CNTNAP4: variants seen among roughly 807,000 people sequenced by gnomAD.
CNTNAP4 encodes the protein contactin associated protein family member 4.
Under a neutral mutation model 148.4 loss-of-function variants are expected in CNTNAP4, and 98 were observed. The observed-to-expected ratio is 0.66, with a 90% CI of 0.56 to 0.78. The LOEUF (loss-of-function observed/expected upper bound fraction) is 0.78. Ranked by LOEUF, CNTNAP4 falls within the 30% of genes least tolerant of loss-of-function variation. The pLI is 0.00. For missense variants in CNTNAP4, 1,935 were observed against 1,565.6 expected, an observed-to-expected ratio of 1.24 and a Z score of -3.98; for synonymous variants, 730 against 565.1, an observed-to-expected ratio of 1.29 and a Z score of -4.14.
intron 1 of CNTNAP4, among the ~76,000 whole-genome samples, chr16:76,302,260 CCTTCA>C (rs373162418): frequency 1.2e-3 from 178 of 152,138 alleles, no homozygotes; most frequent in African/African-American, 4.0e-3. Context: ...CAAAATTAAC[CCTTCA>C]CTTCACAATA....
chr16:76,312,161 C>A (rs949328317), intron 1 of CNTNAP4, among the ~76,000 whole-genome samples: 5 of 152,130 alleles, frequency 3.3e-5, no homozygotes, highest in Non-Finnish European at 7.4e-5. Flanking sequence ...CATTTGAGAC[C>A]AGACCATTCT....
chr16:76,505,558 T>C lies in CNTNAP4; in HGVS notation c.2365+6864T>C, dbSNP rs2082811822. On this transcript the variant is annotated intron_variant, in intron 15 of 23. Transcript: ENST00000611870. ...TATCTTGAGGGTGGTGGTGTTTTTA[T>C]GGTTTCAGGTCCTTTTCAACTTCTA... is the stretch of plus-strand genomic sequence containing the variant. 3.1e-5 allele frequency among the ~76,000 whole-genome samples: 3 copies of C among 97,516 alleles called. 1 individual carries two copies. Among genetic ancestry groups the C allele is most frequent in the African/African-American group, 5.1e-5 (2 of 38,990 alleles). The allele number at this position is 97,516 out of a possible 152,430, so 64.0% of individuals were successfully genotyped here.
Position 76,521,082 on chromosome 16 carries a change from A to G in CNTNAP4, c.2366-58A>G, listed in dbSNP as rs913794701. ...AGAACATGTAATTGTCATTCATTTT[A>G]TTTCATGAATTTGTTTTCTTTCTGA... On this transcript the variant is annotated intron_variant, in intron 15 of 23. Transcript: ENST00000611870. The G allele has an allele frequency of 7.6e-6, 11 of 1,438,234 alleles. No individual in the cohort carries two copies. In the African/African-American group the frequency reaches 8.7e-5, roughly 11 times the overall value. The allele number at this position is 1,438,234 out of a possible 1,614,324, so 89.1% of individuals were successfully genotyped here. A position where few individuals can be genotyped will look rare whatever the true frequency, so the allele number is the denominator to read the frequency against.
intron 4 of CNTNAP4, among the ~76,000 whole-genome samples, chr16:76,442,366 T>C (rs937912774): frequency 6.6e-6 from 1 of 152,170 alleles, no homozygotes; most frequent in African/African-American, 2.4e-5. Context: ...TTGTGATATA[T>C]TAAGAGACTA....
chr16:76,378,528 G>A (rs578122481), intron 3 of CNTNAP4, among the ~76,000 whole-genome samples: 3 of 152,178 alleles, frequency 2.0e-5, no homozygotes, highest in African/African-American at 7.2e-5. Context: ...CTCCAGGTCT[G>A]TCCATATCAC....
chr16:76,299,781 G>A (rs1654053680), intron 1 of CNTNAP4, among the ~76,000 whole-genome samples: 2 of 152,176 alleles, frequency 1.3e-5, no homozygotes, highest in Non-Finnish European at 2.9e-5. Context: ...TTAAGAAAAT[G>A]TGGCACATAT....
intron 1 of CNTNAP4, among the ~76,000 whole-genome samples, chr16:76,283,067 G>A (rs1347428819): frequency 2.0e-5 from 3 of 151,816 alleles, no homozygotes; most frequent in African/African-American, 7.3e-5. Context: ...TTCTCTGAGT[G>A]TCAAAGGAAT....
At chr16:76,362,790 C>A (rs949818447) in intron 3 of CNTNAP4, among the ~76,000 whole-genome samples, 15 of 152,164 alleles carry the variant, frequency 9.9e-5, no homozygotes, top group Non-Finnish European at 2.2e-4. Context: ...AAAAAACTAC[C>A]TGTGAGGTAC....
At chr16:76,317,265 C>CAAAAAAAAAAAAAA (rs1302355658) in intron 2 of CNTNAP4, among the ~76,000 whole-genome samples, 2 of 44,338 alleles carry the variant, frequency 4.5e-5, no homozygotes, top group African/African-American at 8.4e-5. Context: ...AAAAAAAAAA[C>CAAAAAAAAAAAAAA]AAAAAAAAAA....
At chr16:76,453,489 A>G (rs1016272296) in intron 8 of CNTNAP4, among the ~76,000 whole-genome samples, 2 of 152,202 alleles carry the variant, frequency 1.3e-5, no homozygotes, top group African/African-American at 4.8e-5. Context: ...GTTCTTGACA[A>G]AAGCTCTACA....
intron 21 of CNTNAP4, 102 bp from the exon 22 acceptor site, chr16:76,553,181 T>C (rs2085032121): frequency 1.6e-6 from 1 of 607,618 alleles, no homozygotes; most frequent in African/African-American, 1.8e-5. Flanking sequence ...AGGAATTTAG[T>C]AACTTTATTG....
chr16:76,362,478 A>G (rs1254912667), intron 3 of CNTNAP4, among the ~76,000 whole-genome samples: 1 of 152,222 alleles, frequency 6.6e-6, no homozygotes, highest in African/African-American at 2.4e-5. Flanking sequence ...CAATCCTGAG[A>G]AAGAACAAAG....
At chr16:76,500,184 G>T (rs2082572380) in intron 15 of CNTNAP4, among the ~76,000 whole-genome samples, 2 of 151,922 alleles carry the variant, frequency 1.3e-5, no homozygotes, top group South Asian at 4.2e-4. Context: ...CTGGGCGGGG[G>T]CTGCCCCCCA....
intron 10 of CNTNAP4, among the ~76,000 whole-genome samples, chr16:76,470,479 A>AATTTTATATATATATAT (rs575618395): frequency 2.2e-5 from 1 of 45,384 alleles, no homozygotes; most frequent in African/African-American, 6.0e-5. Flanking sequence ...CGTCTCTACT[A>AATTTTATATATATATAT]ATAATATATA....
At chr16:76,376,069 G>T (rs1022794421) in intron 3 of CNTNAP4, among the ~76,000 whole-genome samples, 1 of 152,006 alleles carries the variant, frequency 6.6e-6, no homozygotes, top group African/African-American at 2.4e-5. Flanking sequence ...AAGAGGAGGA[G>T]GTGGAGGAGG....
At chr16:76,550,085 A>T (rs566215043) in intron 21 of CNTNAP4, among the ~76,000 whole-genome samples, 17 of 152,346 alleles carry the variant, frequency 1.1e-4, no homozygotes, top group African/African-American at 3.6e-4. Context: ...AGATGCTGGA[A>T]TAATATCCAT....
intron 15 of CNTNAP4, among the ~76,000 whole-genome samples, chr16:76,511,525 GT>G (rs1457302894): frequency 6.6e-6 from 1 of 151,986 alleles, no homozygotes; most frequent in African/African-American, 2.4e-5. Context: ...CATATAAACC[GT>G]TAAAAAAAGT....
chr16:76,554,028 T>A, intron 23 of CNTNAP4, 121 bp downstream of exon 23: 1 of 600,580 alleles, frequency 1.7e-6, no homozygotes, highest in Non-Finnish European at 2.9e-6. Context: ...CACTGAATCC[T>A]GAGGTCATTG....
intron 10 of CNTNAP4, among the ~76,000 whole-genome samples, chr16:76,468,944 T>C (rs140625542): frequency 2.6e-5 from 4 of 152,174 alleles, no homozygotes; most frequent in African/African-American, 9.7e-5. Context: ...GCCTCTACCC[T>C]GTAGTAATGT....
Sources: gnomAD v4.1 joint callset for allele counts (sites outside exome capture counted in the v4.1 genomes callset) on GRCh38, gnomAD v4.1.1 for gene constraint, MANE v1.5 for transcripts, NCBI Gene and HGNC (gene_info 2026-07-23, HGNC 2026-07-21) for gene names.